Variants in SELENBP1 observed in about 807,000 individuals in gnomAD.
SELENBP1 encodes the protein methanethiol oxidase.
In SELENBP1, 71 loss-of-function variants were observed where a neutral mutation model predicts 61.0. That is an observed-to-expected ratio of 1.16 (90% CI 0.96 to 1.42). SELENBP1 has a LOEUF of 1.42. Among genes scored for constraint, SELENBP1 ranks in the 40% most tolerant of loss-of-function variants. The pLI is 0.00. For synonymous variants in SELENBP1, 270 were observed against 238.9 expected, an observed-to-expected ratio of 1.13 and a Z score of -1.20; for missense variants, 561 against 605.0, an observed-to-expected ratio of 0.93 and a Z score of 0.76.
chr1:151,367,468 G>A (rs12117015), intron 5 of SELENBP1: 27,859 of 120,036 alleles, frequency 0.23, 2,701 homozygotes, highest in Middle Eastern at 0.3. Context: ...GGGCCTTTAC[G>A]CCAGTGCCCC....
At chr1:151,366,112 G>C in intron 7 of SELENBP1, 163 bp downstream of exon 7, 1 of 859,322 alleles carries the variant, frequency 1.2e-6, no homozygotes, top group Non-Finnish European at 1.8e-6. Flanking sequence ...CGGCCAGTTA[G>C]GGTTCAGGCA....
chr1:151,365,803 T>G lies in SELENBP1; in HGVS notation c.887A>C (p.Lys296Thr), dbSNP rs746709920. 6.2e-7 allele frequency: 1 copy of G among 1,614,146 alleles called. No individual in the cohort carries two copies. ...SVEKVIQVPP[K>T]KVKGWLLPEM... The stretch of plus-strand genomic sequence containing the variant: ...GGGCAGCAGCCAGCCCTTCACTTTC[T>G]TGGGGGGCACCTGGATCACCTTCTC... The change falls in exon 8 of 12, where the codon AAG (lysine) becomes ACG (threonine). Residue 296 changes from lysine to threonine, a missense_variant. Physicochemically the swap from Lys to Thr is moderately conservative, Grantham distance 78. Coordinates refer to ENST00000368868, the MANE Select transcript of SELENBP1 (RefSeq NM_003944.4).
chr1:151,372,657 A>C lies in SELENBP1; in HGVS notation c.-16T>G. 6.2e-7 allele frequency: 1 copy of C among 1,614,154 alleles called. No individual in the cohort carries two copies. The highest frequency in any genetic ancestry group is 8.5e-7 in the Non-Finnish European group (1 of 1,180,028). On this transcript the variant is annotated 5_prime_UTR_variant, in exon 1 of 12. Transcript: ENST00000368868. ...CCTTACCCATGCTGCCGACTGGTACACTTTGATCCCGGCGGGTTTGCTGTG... is the reference window on the plus strand; with the variant it reads ...CCTTACCCATGCTGCCGACTGGTACCCTTTGATCCCGGCGGGTTTGCTGTG...
chr1:151,365,772 C>A lies in SELENBP1; in HGVS notation c.918G>T (p.Met306Ile). 6.2e-7 allele frequency: 1 copy of A among 1,614,164 alleles called. No individual in the cohort carries two copies. The highest frequency in any genetic ancestry group is 8.5e-7 in the Non-Finnish European group (1 of 1,180,022). The change falls in exon 8 of 12, where the codon ATG becomes ATT. Residue 306 changes from methionine to isoleucine, a missense_variant. Transcript: ENST00000368868. ...TCCTATGCCCTAGGCACTCACCTGG[C>A]ATTTCGGGCAGCAGCCAGCCCTTCA... ...KKVKGWLLPE[M>I]PGLITDILLS...
rs767636146 is a variant in SELENBP1, at chr1:151,366,873, G to A, written c.513C>T (p.Phe171=). 13 of 1,613,924 alleles carry A rather than the reference G, an allele frequency of 8.1e-6. No individual in the cohort carries two copies. The highest frequency in any genetic ancestry group is 8.0e-5 in the African/African-American group (6 of 74,862). ...GTCTCTCCCATGTCCCCTTCACCTC[G>A]AACGTCTCCCCATCCAGCAGCACAA... ...GGFVLLDGET[F]EVKGTWERPG... Residue 171 remains phenylalanine, a synonymous_variant, in exon 6 of 12, where the codon TTC becomes TTT. Transcript: ENST00000368868.
Position 151,364,529 on chromosome 1 carries a change from G to C in SELENBP1, c.*14C>G, listed in dbSNP as rs1336368518. 6.2e-7 allele frequency: 1 copy of C among 1,613,836 alleles called. No homozygotes were observed. The highest frequency in any genetic ancestry group is 2.2e-5 in the East Asian group (1 of 44,878). On this transcript the variant is annotated 3_prime_UTR_variant, in exon 12 of 12. Transcript: ENST00000368868. ...AGGGCCCAAAATAGGGAGTGTGGGT[G>C]ATGAGGGTGGAGTTCAAATCCAGAT...
intron 5 of SELENBP1, 61 bp from the exon 6 acceptor site, chr1:151,366,965 C>T (rs1041399028): frequency 3.2e-6 from 5 of 1,575,006 alleles, no homozygotes; most frequent in East Asian, 2.2e-5. Context: ...CCCCACCCTC[C>T]AGCCCTCTCC....
Position 151,369,221 on chromosome 1 carries a change from G to A in SELENBP1, c.175-32C>T, listed in dbSNP as rs755965239. On this transcript the variant is annotated intron_variant, in intron 3 of 11. Transcript: ENST00000368868. ...TGCGGGGAGAGGTGGTGCTCCCCCA[G>A]GCCACGCCTCTGTCCACTTTTGGAA... The A allele has an allele frequency of 1.8e-5, 29 of 1,595,834 alleles. No homozygotes were observed. The East Asian group carries it at 6.1e-4, about 33-fold the overall frequency.
rs539003482 is a variant in SELENBP1 at position 151,370,029 on chromosome 1, C to T, written c.5-260G>A. On this transcript the variant is annotated intron_variant, in intron 1 of 11. Transcript: ENST00000368868. ...GGGCCCCGGGAGGGTGGGAGGAGGG[C>T]TGATGCAGCCGGGGTCGTGTGGTGT... 1.3e-5 allele frequency: 19 copies of T among 1,433,474 alleles called. No individual in the cohort carries two copies. In the East Asian group the frequency reaches 4.0e-4, roughly 30 times the overall value. 88.8% of individuals were successfully genotyped at this position (1,433,474 alleles called of 1,614,324 possible). A position where few individuals can be genotyped will look rare whatever the true frequency, so the allele number is the denominator to read the frequency against.
rs1182329370 is a variant in SELENBP1 at position 151,367,047 on chromosome 1, T to C, written c.482-143A>G. The stretch of plus-strand genomic sequence containing the variant: ...TGCTGGATTTGCCAGTTCCTTAAAT[T>C]CAGGCATCCAGGGCTGGGGGAAGAG... On this transcript the variant is annotated intron_variant, in intron 5 of 11. Transcript: ENST00000368868. 5 of 1,457,372 alleles carry C rather than the reference T, an allele frequency of 3.4e-6. No homozygotes were observed. The Admixed American group carries it at 7.9e-5, about 23-fold the overall frequency. The allele number at this position is 1,457,372 out of a possible 1,614,324, so 90.3% of individuals were successfully genotyped here.
intron 5 of SELENBP1, 44 bp downstream of exon 5, chr1:151,368,155 C>G (rs529371524): frequency 1.4e-5 from 23 of 1,593,190 alleles, no homozygotes; most frequent in Non-Finnish European, 1.9e-5. Context: ...TCCCACATTT[C>G]ACAGCTGTGG....
chr1:151,365,700 G>A lies in SELENBP1; in HGVS notation c.923-16C>T, dbSNP rs75460835. 5.2e-3 allele frequency: 8,382 copies of A among 1,614,140 alleles called. 35 individuals are homozygous for A. Among genetic ancestry groups the A allele is most frequent in the Admixed American group, 9.4e-3 (565 of 60,020 alleles). On this transcript the variant is annotated splice_polypyrimidine_tract_variant and intron_variant, in intron 8 of 11. Coordinates refer to ENST00000368868, the MANE Select transcript of SELENBP1 (RefSeq NM_003944.4). Reference sequence around the variant, plus strand: ...GTGATCAGGCCTGTGGGCAGGGGGCGAGTAGAGCCTTTAAGGACTCTTGTT... The same window carrying A: ...GTGATCAGGCCTGTGGGCAGGGGGCAAGTAGAGCCTTTAAGGACTCTTGTT...
intron 1 of SELENBP1, among the ~76,000 whole-genome samples, chr1:151,371,917 G>T (rs763846486): frequency 4.6e-5 from 7 of 152,184 alleles, no homozygotes; most frequent in Admixed American, 6.5e-5. Context: ...TTGGGTTTGG[G>T]ATGGACTCAT....
chr1:151,366,343 GGTT>G lies in SELENBP1; in HGVS notation c.772_774del (p.Asn258del). The G allele has an allele frequency of 2.5e-6, 4 of 1,614,160 alleles. No homozygotes were observed. The highest frequency in any genetic ancestry group is 3.4e-6 in the Non-Finnish European group (4 of 1,180,024). ...CCCACAAAGCCTTGGGCAGCGTCTG[GGTT>G]GTGCAGGAAGCGGATCTCCAAGGGA... On this transcript the variant is annotated inframe_deletion, in exon 7 of 12. Coordinates refer to ENST00000368868, the MANE Select transcript of SELENBP1 (RefSeq NM_003944.4).
At chr1:151,368,114 T>C in intron 5 of SELENBP1, 85 bp downstream of exon 5, 1 of 1,554,194 alleles carries the variant, frequency 6.4e-7, no homozygotes, top group Admixed American at 1.7e-5. Context: ...AACCCTCCCC[T>C]TCCATTCTGC....
intron 5 of SELENBP1, among the ~76,000 whole-genome samples, chr1:151,367,914 G>T (rs1203006416): frequency 1.3e-5 from 2 of 152,208 alleles, no homozygotes; most frequent in African/African-American, 4.8e-5. Context: ...CGATCCGCTG[G>T]CCTCGGCCTC....
chr1:151,368,439 A>G, intron 4 of SELENBP1, 120 bp from the exon 5 acceptor site: 3 of 1,353,700 alleles, frequency 2.2e-6, no homozygotes, highest in Non-Finnish European at 3.1e-6. Flanking sequence ...AAACATGGAC[A>G]CAACTCTCCC....
chr1:151,371,499 C>T (rs930655248), intron 1 of SELENBP1, among the ~76,000 whole-genome samples: 3 of 151,730 alleles, frequency 2.0e-5, no homozygotes, highest in African/African-American at 7.3e-5. Context: ...GCTCGATGCC[C>T]AGCGAGAGGG....
chr1:151,369,186 T>A lies in SELENBP1; in HGVS notation c.178A>T (p.Ile60Phe). ...DPKSPQYCQV[I>F]HRLPMPNLKD... ...AGGTTGGGCATGGGCAGCCGGTGGA[T>A]GACCTAGGATGCGGGGAGAGGTGGT... The change falls in exon 4 of 12, where the codon ATC becomes TTC. Residue 60 changes from isoleucine (I) to phenylalanine (F), a missense_variant. Ile to Phe is a conservative substitution (Grantham distance 21). Coordinates refer to ENST00000368868, the MANE Select transcript of SELENBP1 (RefSeq NM_003944.4). 6.2e-7 allele frequency: 1 copy of A among 1,607,414 alleles called. No homozygotes were observed. Among genetic ancestry groups the A allele is most frequent in the Non-Finnish European group, 8.5e-7 (1 of 1,174,758 alleles).
Sources: gnomAD v4.1 joint callset for allele counts (sites outside exome capture counted in the v4.1 genomes callset) on GRCh38, gnomAD v4.1.1 for gene constraint, MANE v1.5 for transcripts, NCBI Gene and HGNC (gene_info 2026-07-23, HGNC 2026-07-21) for gene names.